The following GNA14 variants were observed in gnomAD, a reference collection of about 807,000 sequenced individuals.
The protein encoded by GNA14 is G protein subunit alpha 14.
A neutral mutation model predicts 42.0 loss-of-function variants in GNA14; 50 were observed. The ratio of observed to expected loss-of-function variants is 1.19; its 90% CI spans 0.95 to 1.51. The LOEUF is 1.51. Ranked by LOEUF, GNA14 falls within the 40% of genes most tolerant of loss-of-function variation. The pLI is 0.00. For missense variants in GNA14, 473 were observed against 446.2 expected (o/e 1.06, Z -0.54); for synonymous variants, 173 against 163.1 (o/e 1.06, Z -0.46).
chr9:77,622,892 TC>T (rs1325657635), intron 1 of GNA14, among the ~76,000 whole-genome samples: 276 of 121,598 alleles, frequency 2.3e-3, no homozygotes, highest in African/African-American at 9.7e-3. Context: ...AGACTCTGTC[TC>T]AAAAAAAAAA....
intron 2 of GNA14, among the ~76,000 whole-genome samples, chr9:77,445,218 G>T (rs761757857): frequency 3.9e-5 from 6 of 152,170 alleles, no homozygotes; most frequent in Non-Finnish European, 8.8e-5. Flanking sequence ...TGGAGCGGGG[G>T]TACGAGAAAG....
chr9:77,485,647 T>A (rs569754224), intron 2 of GNA14, among the ~76,000 whole-genome samples: 1 of 152,246 alleles, frequency 6.6e-6, no homozygotes, highest in South Asian at 2.1e-4. Context: ...GACTTGGAAG[T>A]CAAAATTACT....
At chr9:77,514,089 G>T (rs187112000) in intron 2 of GNA14, among the ~76,000 whole-genome samples, 1 of 152,082 alleles carries the variant, frequency 6.6e-6, no homozygotes, top group Non-Finnish European at 1.5e-5. Context: ...AGCTAAGCAT[G>T]GCCAATCCCA....
intron 2 of GNA14, among the ~76,000 whole-genome samples, chr9:77,488,976 T>C (rs541724346): frequency 6.6e-6 from 1 of 152,080 alleles, no homozygotes; most frequent in Admixed American, 6.5e-5. Context: ...ATACAAACCG[T>C]CTGACCAAGA....
chr9:77,450,668 T>C (rs1182974655), intron 2 of GNA14, among the ~76,000 whole-genome samples: 1 of 151,504 alleles, frequency 6.6e-6, no homozygotes, highest in Non-Finnish European at 1.5e-5. Flanking sequence ...TAGTGGCCCG[T>C]GTAATTTTCA....
intron 1 of GNA14, among the ~76,000 whole-genome samples, chr9:77,541,056 G>C (rs999420899): frequency 6.6e-6 from 1 of 151,944 alleles, no homozygotes; most frequent in Admixed American, 6.6e-5. Flanking sequence ...TTGTGGTTTG[G>C]TAATTTTATG....
intron 1 of GNA14, among the ~76,000 whole-genome samples, chr9:77,601,641 T>G (rs1463948833): frequency 6.6e-6 from 1 of 152,200 alleles, no homozygotes; most frequent in African/African-American, 2.4e-5. Flanking sequence ...GGAAGAGCAG[T>G]AAAATAATTT....
Position 77,457,354 on chromosome 9 carries a change from T to A in GNA14, c.310-22832A>T, listed in dbSNP as rs542782238. Among the ~76,000 whole-genome samples the A allele has an allele frequency of 1.7e-3, 265 of 152,350 alleles. 2 individuals carry two copies. Among genetic ancestry groups the A allele is most frequent in the Admixed American group, 3.4e-3 (52 of 15,300 alleles). On this transcript the variant is annotated intron_variant, in intron 2 of 6. Coordinates refer to ENST00000341700, the MANE Select transcript of GNA14 (RefSeq NM_004297.4). ...CCTTGGGGGTCTATGTTCTATAAAT[T>A]CGAATTTTATTAGTAGTTCTTTGAA... is the stretch of plus-strand genomic sequence containing the variant.
chr9:77,552,126 CAAAAAAAAAAA>C lies in GNA14; in HGVS notation c.125-22884_125-22874del, dbSNP rs34493872. On this transcript the variant is annotated intron_variant, in intron 1 of 6. Transcript: ENST00000341700. ...TTGCAGCAGGAGAGAAACTCCATCT[CAAAAAAAAAAA>C]AAAAAAAAAGAAAAAGAAAGAAAGA... Among the ~76,000 whole-genome samples the C allele has an allele frequency of 1.6e-4, 14 of 85,092 alleles. No individual in the cohort carries two copies. The South Asian group carries it at 6.0e-3, about 37-fold the overall frequency. The allele number at this position is 85,092 out of a possible 152,430, so 55.8% of individuals were successfully genotyped here.
intron 2 of GNA14, among the ~76,000 whole-genome samples, chr9:77,508,716 G>T (rs1016711676): frequency 2.6e-5 from 4 of 152,174 alleles, no homozygotes; most frequent in African/African-American, 9.7e-5. Flanking sequence ...GAAGAACCAG[G>T]CCTCCTTGGA....
At chr9:77,452,032 T>C (rs528505732) in intron 2 of GNA14, among the ~76,000 whole-genome samples, 41 of 152,292 alleles carry the variant, frequency 2.7e-4, no homozygotes, top group African/African-American at 9.4e-4. Flanking sequence ...TGTGCTGGTC[T>C]CACACCGCAT....
Position 77,436,696 on chromosome 9 carries a change from T to C in GNA14, c.310-2174A>G, listed in dbSNP as rs116729900. ...CTCTCTCAATGTAAAATGTCTGTTT[T>C]CCTCTCTGTCTTCATGGCAGGCCAG... On this transcript the variant is annotated intron_variant, in intron 2 of 6. Coordinates refer to ENST00000341700, the MANE Select transcript of GNA14 (RefSeq NM_004297.4). 7.0e-3 allele frequency among the ~76,000 whole-genome samples: 1,064 copies of C among 152,310 alleles called. 6 individuals are homozygous for C. Among genetic ancestry groups the C allele is most frequent in the South Asian group, 0.011 (51 of 4,828 alleles).
At chr9:77,632,815 G>A (rs1016939385) in intron 1 of GNA14, among the ~76,000 whole-genome samples, 2 of 152,124 alleles carry the variant, frequency 1.3e-5, no homozygotes, top group Non-Finnish European at 2.9e-5. Flanking sequence ...CCCCATGCTC[G>A]CTCACACACC....
chr9:77,629,534 G>A (rs1023914270), intron 1 of GNA14, among the ~76,000 whole-genome samples: 2 of 152,206 alleles, frequency 1.3e-5, no homozygotes, highest in Admixed American at 6.5e-5. Flanking sequence ...TATACACCAT[G>A]GAATACTATG....
chr9:77,557,273 T>A (rs937049711), intron 1 of GNA14, among the ~76,000 whole-genome samples: 2 of 151,878 alleles, frequency 1.3e-5, no homozygotes, highest in Non-Finnish European at 2.9e-5. Context: ...AGAAAAAGAT[T>A]AGGAGAGAGA....
At chr9:77,514,004 T>C (rs1315166374) in intron 2 of GNA14, among the ~76,000 whole-genome samples, 1 of 152,104 alleles carries the variant, frequency 6.6e-6, no homozygotes, top group Non-Finnish European at 1.5e-5. Context: ...CTGGTGTCTC[T>C]GCTTGAGAAG....
At chr9:77,481,400 T>C (rs1587789344) in intron 2 of GNA14, among the ~76,000 whole-genome samples, 2 of 152,266 alleles carry the variant, frequency 1.3e-5, no homozygotes, top group African/African-American at 4.8e-5. Flanking sequence ...TTGATTGCAC[T>C]ATGGTCTGAG....
intron 2 of GNA14, among the ~76,000 whole-genome samples, chr9:77,513,545 C>T (rs183096149): frequency 4.3e-4 from 65 of 152,294 alleles, no homozygotes; most frequent in Admixed American, 2.5e-3. Flanking sequence ...AGGGAGCTCA[C>T]GAAGTACTGG....
intron 1 of GNA14, among the ~76,000 whole-genome samples, chr9:77,645,622 AC>A: frequency 6.6e-6 from 1 of 152,070 alleles, no homozygotes; most frequent in South Asian, 2.1e-4. Flanking sequence ...GATAAAGAAG[AC>A]CCTCGGGTCA....
Sources: allele counts gnomAD v4.1 joint callset (sites outside exome capture counted in the v4.1 genomes callset), GRCh38; gene constraint gnomAD v4.1.1; transcripts MANE v1.5; gene names NCBI Gene and HGNC (gene_info 2026-07-23, HGNC 2026-07-21).